OR51B5: variants seen among roughly 807,000 people sequenced by gnomAD.
OR51B5 encodes the protein olfactory receptor 51B5.
For missense variants in OR51B5, 456 were observed against 374.6 expected (o/e 1.22, Z -1.79); for synonymous variants, 186 against 144.8 (o/e 1.28, Z -2.04).
chr11:5,367,688 C>G (rs994256092), intron 1 of OR51B5, among the ~76,000 whole-genome samples: 4 of 152,142 alleles, frequency 2.6e-5, no homozygotes, highest in African/African-American at 9.7e-5. Flanking sequence ...GCCTAACTTT[C>G]TGGGAATACA....
intron 1 of OR51B5, among the ~76,000 whole-genome samples, chr11:5,425,364 A>G (rs1564809669): frequency 6.6e-6 from 1 of 152,238 alleles, no homozygotes; most frequent in Non-Finnish European, 1.5e-5. Context: ...AGCGATATCT[A>G]TCGATGCAAT....
chr11:5,491,374 TC>T (rs1486795218), intron 1 of OR51B5, among the ~76,000 whole-genome samples: 1 of 152,154 alleles, frequency 6.6e-6, no homozygotes, highest in Non-Finnish European at 1.5e-5. Context: ...CATGGAGAGC[TC>T]CTAGTTCAGT....
chr11:5,365,933 G>C (rs981595314), intron 1 of OR51B5, among the ~76,000 whole-genome samples: 3 of 152,134 alleles, frequency 2.0e-5, no homozygotes, highest in Admixed American at 6.5e-5. Flanking sequence ...AGGCATGAAG[G>C]GGGCAGGCTC....
intron 1 of OR51B5, among the ~76,000 whole-genome samples, chr11:5,500,553 A>G (rs1263002007): frequency 6.8e-6 from 1 of 147,948 alleles, no homozygotes; most frequent in African/African-American, 2.4e-5. Flanking sequence ...GATAACAAGA[A>G]CTGTCATAAG....
chr11:5,437,108 A>G (rs1850605141), intron 1 of OR51B5, among the ~76,000 whole-genome samples: 1 of 152,104 alleles, frequency 6.6e-6, no homozygotes. Context: ...ACAAGAAACT[A>G]CTTCACCTGG....
In OR51B5 at chr11:5,488,701, G is replaced by A. The variant is rs752439281; in HGVS notation, n.84+16868C>T. The A allele has an allele frequency of 3.1e-6, 5 of 1,599,746 alleles. No individual in the cohort carries two copies. The South Asian group carries it at 5.5e-5, about 18-fold the overall frequency. ...TTCAGAAAGAGCCCTTCATTTGCCA[G>A]GAAGAATGTCAGATTCCAACCTCAG... On this transcript the variant is annotated intron_variant and non_coding_transcript_variant, in intron 1 of 4. Transcript: ENST00000415970.
rs1203529506 is a variant in OR51B5, at chr11:5,500,634, T to C, written n.84+4935A>G. Reference sequence around the variant, plus strand: ...GACATCTTTCCAGTAATAGTCCTAATTGCGGCCTTGCAAGTAGCTTTACTA... The same window carrying C: ...GACATCTTTCCAGTAATAGTCCTAACTGCGGCCTTGCAAGTAGCTTTACTA... On this transcript the variant is annotated intron_variant and non_coding_transcript_variant, in intron 1 of 4. Coordinates refer to the OR51B5 transcript ENST00000415970. Among the ~76,000 whole-genome samples the C allele has an allele frequency of 2.0e-5, 3 of 148,328 alleles. 1 individual carries two copies. The highest frequency in any genetic ancestry group is 4.5e-5 in the Non-Finnish European group (3 of 66,200).
Position 5,383,363 on chromosome 11 carries a change from A to G in OR51B5, n.85-36453T>C, listed in dbSNP as rs184296511. Among the ~76,000 whole-genome samples the G allele has an allele frequency of 1.4e-3, 207 of 152,284 alleles. 1 individual carries two copies. Among genetic ancestry groups the G allele is most frequent in the Non-Finnish European group, 2.6e-3 (174 of 68,018 alleles). The stretch of plus-strand genomic sequence containing the variant: ...GCAGTAAATGGAAATATAAAAATAG[A>G]CAGGAAAATGAGTGCAGGAGTGAGA... On this transcript the variant is annotated intron_variant and non_coding_transcript_variant, in intron 1 of 4. Coordinates refer to the OR51B5 transcript ENST00000415970.
At chr11:5,427,329 C>T (rs1850466075) in intron 1 of OR51B5, among the ~76,000 whole-genome samples, 1 of 152,050 alleles carries the variant, frequency 6.6e-6, no homozygotes, top group African/African-American at 2.4e-5. Context: ...CTCCCTGCCC[C>T]TACACATGTG....
intron 1 of OR51B5, among the ~76,000 whole-genome samples, chr11:5,451,996 A>G (rs1480935966): frequency 1.3e-5 from 2 of 152,222 alleles, no homozygotes; most frequent in Admixed American, 6.5e-5. Context: ...CAGCATAAGA[A>G]AAATGGTAAA....
intron 1 of OR51B5, among the ~76,000 whole-genome samples, chr11:5,503,678 T>C (rs1846331116): frequency 6.6e-6 from 1 of 152,308 alleles, no homozygotes; most frequent in African/African-American, 2.4e-5. Flanking sequence ...GGAAGTGTAG[T>C]ATTAGATAAA....
intron 1 of OR51B5, among the ~76,000 whole-genome samples, chr11:5,450,433 T>C (rs956617296): frequency 1.3e-5 from 2 of 152,066 alleles, no homozygotes; most frequent in African/African-American, 4.8e-5. Context: ...AAATAAGACA[T>C]AGGTCTAAAA....
intron 1 of OR51B5, chr11:5,430,764 G>C: frequency 2.2e-6 from 1 of 457,204 alleles, no homozygotes; most frequent in South Asian, 1.5e-5. Flanking sequence ...AAAGGCAGAT[G>C]CTAGACATAA....
At chr11:5,472,313 A>T (rs1426354449) in intron 1 of OR51B5, among the ~76,000 whole-genome samples, 1 of 152,174 alleles carries the variant, frequency 6.6e-6, no homozygotes, top group African/African-American at 2.4e-5. Context: ...TAATCACTAA[A>T]GGATTTCGAA....
intron 1 of OR51B5, among the ~76,000 whole-genome samples, chr11:5,370,657 T>C (rs1006140614): frequency 2.6e-5 from 4 of 152,248 alleles, no homozygotes; most frequent in African/African-American, 9.6e-5. Flanking sequence ...GAGGCTTCTC[T>C]ATTTTAGCAA....
intron 1 of OR51B5, among the ~76,000 whole-genome samples, chr11:5,487,974 A>G (rs1045066632): frequency 1.3e-5 from 2 of 151,096 alleles, no homozygotes; most frequent in African/African-American, 4.9e-5. Flanking sequence ...ATATATATAC[A>G]AAAGTGATTT....
chr11:5,440,102 T>C (rs963700519), intron 1 of OR51B5, among the ~76,000 whole-genome samples: 2 of 152,210 alleles, frequency 1.3e-5, no homozygotes, highest in East Asian at 1.9e-4. Flanking sequence ...TAGCCTGTTT[T>C]TATTACCACA....
intron 1 of OR51B5, among the ~76,000 whole-genome samples, chr11:5,386,765 T>C (rs1439323730): frequency 6.6e-6 from 1 of 151,302 alleles, no homozygotes; most frequent in Non-Finnish European, 1.5e-5. Flanking sequence ...TGAAGATGAA[T>C]AGATTACAGG....
chr11:5,495,510 C>G (rs572002919), intron 1 of OR51B5, among the ~76,000 whole-genome samples: 41 of 152,224 alleles, frequency 2.7e-4, no homozygotes, highest in Middle Eastern at 3.4e-3. Flanking sequence ...TGCAATTTAA[C>G]TTAGGTTATC....
Sources: gnomAD v4.1 joint callset for allele counts (sites outside exome capture counted in the v4.1 genomes callset) on GRCh38, gnomAD v4.1.1 for gene constraint, MANE v1.5 for transcripts, NCBI Gene and HGNC (gene_info 2026-07-23, HGNC 2026-07-21) for gene names.